The following FTO variants were observed in gnomAD, a reference collection of about 807,000 sequenced individuals.
FTO encodes the protein alpha-ketoglutarate-dependent dioxygenase FTO.
FTO carries 47 observed loss-of-function variants against 63.9 expected under a neutral mutation model. That is an observed-to-expected ratio of 0.74 (90% CI 0.58 to 0.94). The LOEUF is 0.94. FTO is among the 40% of genes least tolerant of loss of function. The pLI is 0.00. For synonymous variants in FTO, 207 were observed against 224.4 expected, an observed-to-expected ratio of 0.92 and a Z score of 0.69; for missense variants, 562 against 618.1, an observed-to-expected ratio of 0.91 and a Z score of 0.96.
chr16:54,072,949 A>G (rs562771894), intron 8 of FTO, among the ~76,000 whole-genome samples: 12 of 152,354 alleles, frequency 7.9e-5, no homozygotes, highest in Admixed American at 5.9e-4. Flanking sequence ...GTTTTGCAAT[A>G]TTCCTTAACA....
At position 53,882,414 on chromosome 16, in the gene FTO, G is replaced by T. The variant is rs117809538; in HGVS notation, c.1119+2427G>T. 4.0e-3 allele frequency among the ~76,000 whole-genome samples: 606 copies of T among 151,314 alleles called. 7 individuals carry two copies. Among genetic ancestry groups the T allele is most frequent in the Middle Eastern group, 0.024 (7 of 290 alleles). On this transcript the variant is annotated intron_variant, in intron 6 of 8. Coordinates refer to ENST00000471389, the MANE Select transcript of FTO (RefSeq NM_001080432.3). ...CAGAGCAAGATGATAGAAATTGAGA[G>T]AACTAGAGAGCCTCCCTGTTGAAAA...
chr16:53,755,142 A>G (rs1293434794), intron 1 of FTO, among the ~76,000 whole-genome samples: 1 of 152,218 alleles, frequency 6.6e-6, no homozygotes, highest in Admixed American at 6.5e-5. Context: ...GCTGTAATGA[A>G]AGGCTGCCCC....
chr16:53,888,689 G>A (rs1000407573), intron 6 of FTO, 143 bp from the exon 7 acceptor site: 22 of 875,094 alleles, frequency 2.5e-5, no homozygotes, highest in Non-Finnish European at 4.1e-5. Flanking sequence ...GCTTACACTG[G>A]GAACTGGTTA....
At chr16:53,709,439 C>T (rs1391844245) in intron 1 of FTO, among the ~76,000 whole-genome samples, 2 of 152,030 alleles carry the variant, frequency 1.3e-5, no homozygotes, top group Admixed American at 6.6e-5. Context: ...GGATTCATAC[C>T]CCGTGCCTCA....
intron 4 of FTO, among the ~76,000 whole-genome samples, chr16:53,853,291 C>G (rs1362476133): frequency 6.6e-6 from 1 of 151,998 alleles, no homozygotes; most frequent in Admixed American, 6.6e-5. Flanking sequence ...GGTGACAGAG[C>G]AGGACTTTGT....
intron 8 of FTO, among the ~76,000 whole-genome samples, chr16:54,109,068 G>C (rs1448712653): frequency 6.6e-6 from 1 of 152,176 alleles, no homozygotes; most frequent in Non-Finnish European, 1.5e-5. Flanking sequence ...GGGGATGTCT[G>C]TCCTTTTTCA....
intron 7 of FTO, 43 bp from the exon 8 acceptor site, chr16:53,933,942 A>G (rs1047641687): frequency 1.3e-6 from 2 of 1,599,408 alleles, no homozygotes; most frequent in African/African-American, 2.7e-5. Flanking sequence ...TTTATTATTA[A>G]TTTTTCACTT....
At chr16:53,846,210 G>A (rs1449561755) in intron 4 of FTO, among the ~76,000 whole-genome samples, 3 of 152,100 alleles carry the variant, frequency 2.0e-5, no homozygotes, top group Non-Finnish European at 4.4e-5. Flanking sequence ...ATGTGGGAAT[G>A]TTTTCAGTGT....
chr16:53,865,584 C>T (rs149358068), intron 4 of FTO, among the ~76,000 whole-genome samples: 1 of 152,268 alleles, frequency 6.6e-6, no homozygotes, highest in East Asian at 1.9e-4. Flanking sequence ...CCTGACTTGA[C>T]TCATCCAGTT....
In FTO at chr16:54,116,145, C is replaced by T. The variant is rs1031267578; in HGVS notation, c.*4230C>T. ...ATGCCAGAATTGAGAGTCCATAGGACCCGTTTAACGGATCCCACATTCAGT... is the reference window on the plus strand; with the variant it reads ...ATGCCAGAATTGAGAGTCCATAGGATCCGTTTAACGGATCCCACATTCAGT... On this transcript the variant is annotated 3_prime_UTR_variant, in exon 9 of 9. Coordinates refer to ENST00000471389, the MANE Select transcript of FTO (RefSeq NM_001080432.3). 4.6e-5 allele frequency: 7 copies of T among 152,198 alleles called. No individual in the cohort carries two copies. Among genetic ancestry groups the T allele is most frequent in the African/African-American group, 1.7e-4 (7 of 41,456 alleles). 9.4% of individuals were successfully genotyped at this position (152,198 alleles called of 1,614,324 possible). A position where few individuals can be genotyped will look rare whatever the true frequency, so the allele number is the denominator to read the frequency against.
chr16:53,931,555 A>G (rs1181275580), intron 7 of FTO, among the ~76,000 whole-genome samples: 1 of 151,778 alleles, frequency 6.6e-6, no homozygotes, highest in East Asian at 1.9e-4. Flanking sequence ...TGATCCACTC[A>G]CCTTGGTGTC....
chr16:54,002,379 T>C (rs1314635911), intron 8 of FTO, among the ~76,000 whole-genome samples: 6 of 152,196 alleles, frequency 3.9e-5, no homozygotes, highest in Non-Finnish European at 2.9e-5. Flanking sequence ...AGATGCCAAA[T>C]TGGATTTTAG....
chr16:54,037,407 TA>T, intron 8 of FTO, among the ~76,000 whole-genome samples: 1 of 152,214 alleles, frequency 6.6e-6, no homozygotes, highest in Non-Finnish European at 1.5e-5. Flanking sequence ...CATAAAACTT[TA>T]AAGCAGGAAG....
intron 3 of FTO, among the ~76,000 whole-genome samples, chr16:53,828,226 T>A (rs1431287951): frequency 6.6e-6 from 1 of 152,142 alleles, no homozygotes. Flanking sequence ...CTTTTTTTTC[T>A]TTTTTTCTTT....
chr16:53,779,039 A>T (rs2077527100), intron 1 of FTO, among the ~76,000 whole-genome samples: 1 of 152,152 alleles, frequency 6.6e-6, no homozygotes, highest in Non-Finnish European at 1.5e-5. Context: ...TCTTTGAGTC[A>T]GTTGGCCTCA....
chr16:54,024,384 C>A (rs1044257355), intron 8 of FTO, among the ~76,000 whole-genome samples: 2 of 151,990 alleles, frequency 1.3e-5, no homozygotes, highest in African/African-American at 2.4e-5. Context: ...CCACCACGCC[C>A]AGCTAATTTT....
intron 8 of FTO, chr16:53,937,249 AG>A (rs1177203107): frequency 1.8e-5 from 7 of 398,514 alleles, no homozygotes; most frequent in Non-Finnish European, 3.1e-5. Context: ...ACTTCCCCAG[AG>A]TTGAATGATC....
At chr16:53,905,639 T>C (rs2081517358) in intron 7 of FTO, among the ~76,000 whole-genome samples, 1 of 152,196 alleles carries the variant, frequency 6.6e-6, no homozygotes, top group Non-Finnish European at 1.5e-5. Flanking sequence ...CTTTCTCTTT[T>C]TACCATGTTT....
chr16:53,870,615 A>T lies in FTO; in HGVS notation c.896-3171A>T, dbSNP rs138216389. On this transcript the variant is annotated intron_variant, in intron 4 of 8. Transcript: ENST00000471389. ...ATCTTTACATCTTTGATTTACCACA[A>T]TGTAACTTTGAATGTTGTACCACTT... Among the ~76,000 whole-genome samples, 6 of 152,154 alleles carry T rather than the reference A, an allele frequency of 3.9e-5. No individual in the cohort carries two copies. The East Asian group carries it at 1.2e-3, about 29-fold the overall frequency.
Sources: allele counts gnomAD v4.1 joint callset (sites outside exome capture counted in the v4.1 genomes callset), GRCh38; gene constraint gnomAD v4.1.1; transcripts MANE v1.5; gene names NCBI Gene and HGNC (gene_info 2026-07-23, HGNC 2026-07-21).